The following NAV2 variants were observed in gnomAD, a reference collection of about 807,000 sequenced individuals.
The protein encoded by NAV2 is helicase, APC down-regulated 1.
Under a neutral mutation model 223.2 loss-of-function variants are expected in NAV2, and 54 were observed. The observed-to-expected ratio is 0.24, with a 90% CI of 0.19 to 0.30. The LOEUF (loss-of-function observed/expected upper bound fraction) is 0.30. Among genes scored for constraint, NAV2 ranks in the 10% least tolerant of loss-of-function variants. The pLI is 1.00. For synonymous variants in NAV2, 1,279 were observed against 1,239.3 expected (o/e 1.03, Z -0.67); for missense variants, 2,806 against 3,147.5 (o/e 0.89, Z 2.60).
intron 1 of NAV2, among the ~76,000 whole-genome samples, chr11:19,636,687 G>T (rs1430188395): frequency 1.3e-5 from 2 of 152,078 alleles, no homozygotes; most frequent in Admixed American, 1.3e-4. Context: ...ACCCAGGATG[G>T]TCTTGATCTC....
At chr11:19,810,207 C>T (rs1478672477) in intron 1 of NAV2, among the ~76,000 whole-genome samples, 1 of 152,144 alleles carries the variant, frequency 6.6e-6, no homozygotes, top group East Asian at 1.9e-4. Context: ...TTATTTTGAG[C>T]TTGGTCAGCT....
intron 10 of NAV2, chr11:19,979,244 A>G (rs1405507239): frequency 2.6e-5 from 4 of 152,254 alleles, no homozygotes; most frequent in African/African-American, 9.6e-5. Flanking sequence ...AATTGAATAC[A>G]GAATGTTGGA....
In NAV2 at chr11:19,880,654, G is replaced by A. The variant is rs1260993221; in HGVS notation, c.770+527G>A. ...AGCAGTTACCATTAAATGTGACTGT[G>A]TTGTGTTGAACTGAGATGGGGAGAG... On this transcript the variant is annotated intron_variant, in intron 5 of 37. Transcript: ENST00000349880. 2.6e-5 allele frequency among the ~76,000 whole-genome samples: 4 copies of A among 152,190 alleles called. No individual in the cohort carries two copies. In the East Asian group the frequency reaches 7.7e-4, roughly 29 times the overall value.
intron 1 of NAV2, among the ~76,000 whole-genome samples, chr11:19,584,764 T>A (rs1409962774): frequency 3.9e-5 from 6 of 152,198 alleles, no homozygotes; most frequent in Non-Finnish European, 8.8e-5. Context: ...TAATTTCTGT[T>A]CTTTTACATT....
At chr11:19,793,775 C>T (rs962376952) in intron 1 of NAV2, among the ~76,000 whole-genome samples, 6 of 152,232 alleles carry the variant, frequency 3.9e-5, no homozygotes, top group African/African-American at 1.2e-4. Flanking sequence ...ATCATCTGGC[C>T]GCTGCCTTCC....
chr11:19,398,693 C>T (rs1227072007), intron 1 of NAV2, among the ~76,000 whole-genome samples: 1 of 152,206 alleles, frequency 6.6e-6, no homozygotes, highest in African/African-American at 2.4e-5. Flanking sequence ...TCCCTTCTGA[C>T]TCTCAGTTCT....
At chr11:20,112,614 C>T (rs1209779372) in intron 36 of NAV2, among the ~76,000 whole-genome samples, 10 of 152,184 alleles carry the variant, frequency 6.6e-5, no homozygotes, top group African/African-American at 2.2e-4. Flanking sequence ...GCCTGCTCCG[C>T]GTCTCCCTGC....
intron 1 of NAV2, among the ~76,000 whole-genome samples, chr11:19,398,828 C>A (rs1215087806): frequency 6.6e-6 from 1 of 152,252 alleles, no homozygotes; most frequent in Non-Finnish European, 1.5e-5. Flanking sequence ...CCCACAGACA[C>A]ACTCACAGCT....
rs1476816207 is a variant in NAV2 at position 20,045,550 on chromosome 11, G to T, written c.3782G>T (p.Ser1261Ile). The change falls in exon 14 of 38, where the codon AGT becomes ATT. Residue 1261 changes from serine (S) to isoleucine (I), a missense_variant. By Grantham distance (142) the Ser-to-Ile change is moderately radical. Around this residue, in one of 4 missense-constraint regions of NAV2, gnomAD observed 742 missense variants for 777.9 expected, o/e 0.95. Coordinates refer to ENST00000349880, the MANE Select transcript of NAV2 (RefSeq NM_145117.5). ...AAAGGCATCTCATCAGACAACGAGAGTGTGGCTTCCTGTAACTCGGTGAAA... is the reference window on the plus strand; with the variant it reads ...AAAGGCATCTCATCAGACAACGAGATTGTGGCTTCCTGTAACTCGGTGAAA... ...KEKGISSDNE[S>I]VASCNSVKVN... The T allele has an allele frequency of 6.2e-7, 1 of 1,614,214 alleles. No individual in the cohort carries two copies. Among genetic ancestry groups the T allele is most frequent in the Non-Finnish European group, 8.5e-7 (1 of 1,180,036 alleles).
chr11:20,106,203 A>ATG (rs71060400), intron 35 of NAV2, among the ~76,000 whole-genome samples: 2 of 39,076 alleles, frequency 5.1e-5, no homozygotes, highest in African/African-American at 1.3e-4. Context: ...ATATATATAT[A>ATG]TATATATATA....
chr11:19,389,778 C>G (rs1849177387), intron 1 of NAV2, among the ~76,000 whole-genome samples: 1 of 152,190 alleles, frequency 6.6e-6, no homozygotes, highest in African/African-American at 2.4e-5. Flanking sequence ...CATGTGTGTT[C>G]CTGTGGCTGG....
At chr11:20,060,720 C>T (rs1038204159) in intron 19 of NAV2, among the ~76,000 whole-genome samples, 1 of 152,202 alleles carries the variant, frequency 6.6e-6, no homozygotes, top group Non-Finnish European at 1.5e-5. Context: ...TTGAGCAGAT[C>T]TGTTTTGATA....
At chr11:20,087,509 C>T (rs764598579) in intron 26 of NAV2, among the ~76,000 whole-genome samples, 1 of 152,074 alleles carries the variant, frequency 6.6e-6, no homozygotes, top group African/African-American at 2.4e-5. Flanking sequence ...TTCCCCAATC[C>T]GTGGGCAAAA....
chr11:19,818,414 C>T (rs1025046965), intron 1 of NAV2, among the ~76,000 whole-genome samples: 1 of 151,758 alleles, frequency 6.6e-6, no homozygotes, highest in African/African-American at 2.4e-5. Context: ...AAGAGATGTA[C>T]AGTAGTGCAT....
At chr11:20,009,911 C>T (rs2053425674) in intron 11 of NAV2, among the ~76,000 whole-genome samples, 1 of 152,082 alleles carries the variant, frequency 6.6e-6, no homozygotes, top group South Asian at 2.1e-4. Context: ...GGTGTCCCTC[C>T]TATTTGCTCC....
At chr11:19,878,171 A>G (rs956213061) in intron 4 of NAV2, among the ~76,000 whole-genome samples, 5 of 152,204 alleles carry the variant, frequency 3.3e-5, no homozygotes, top group African/African-American at 7.2e-5. Context: ...TGGTCCTGGT[A>G]TAATTAAGAG....
rs200990656 is a variant in NAV2, at chr11:19,573,059, G to C, written c.75+222032G>C. On this transcript the variant is annotated intron_variant, in intron 1 of 37. Coordinates refer to the NAV2 transcript ENST00000360655. ...GGAAATGCTTTGTCTTTGAAATCAT[G>C]TGAGGACTCCGTCTTGGCTCGGCAG... is the stretch of plus-strand genomic sequence containing the variant. Among the ~76,000 whole-genome samples the C allele has an allele frequency of 2.0e-5, 3 of 152,288 alleles. No individual in the cohort carries two copies. The East Asian group carries it at 5.8e-4, about 29-fold the overall frequency.
At position 20,077,611 on chromosome 11, in the gene NAV2, T is replaced by A; in HGVS notation, c.5043T>A (p.Ser1681Arg). ...SLGNMTIRLQ[S>R]LTMTAEQKDS... Reference sequence around the variant, plus strand: ...GTAACATGACAATCAGGCTCCAGAGTCTGACCATGACAGCTGAGCAGAAGG... The same window carrying A: ...GTAACATGACAATCAGGCTCCAGAGACTGACCATGACAGCTGAGCAGAAGG... The change falls in exon 23 of 38, where the codon AGT (serine) becomes AGA (arginine). Residue 1681 changes from serine (S) to arginine (R), a missense_variant. By Grantham distance (110) the Ser-to-Arg change is moderately radical. This residue lies in a region of NAV2 where 824 missense variants were observed against 1,069.4 expected (regional missense o/e 0.77). Transcript: ENST00000349880. The A allele has an allele frequency of 6.2e-7, 1 of 1,614,010 alleles. No homozygotes were observed. The highest frequency in any genetic ancestry group is 8.5e-7 in the Non-Finnish European group (1 of 1,179,912).
chr11:19,449,603 G>GGT (rs1173254300), intron 1 of NAV2, among the ~76,000 whole-genome samples: 4 of 146,348 alleles, frequency 2.7e-5, no homozygotes, highest in Admixed American at 6.8e-5. Flanking sequence ...AAGAATTCAG[G>GGT]GTGTGTGTGT....
Sources: gnomAD v4.1 joint callset for allele counts (sites outside exome capture counted in the v4.1 genomes callset) on GRCh38, gnomAD v4.1.1 for gene constraint, gnomAD v4.1.1 regional missense constraint, MANE v1.5 for transcripts, NCBI Gene and HGNC (gene_info 2026-07-23, HGNC 2026-07-21) for gene names.